SLC39A11: variants seen among roughly 807,000 people sequenced by gnomAD.
SLC39A11 encodes the protein zinc transporter ZIP11.
SLC39A11 carries 33 observed loss-of-function variants against 36.1 expected under a neutral mutation model. The observed-to-expected ratio is 0.91, with a 90% confidence interval of 0.69 to 1.22. SLC39A11 has a LOEUF of 1.22. Ranked by LOEUF, SLC39A11 falls within the 50% of genes most tolerant of loss-of-function variation. The probability of loss-of-function intolerance (pLI) is 0.00; values close to 1 mark genes in which losing one functional copy is unlikely to be tolerated. For missense variants in SLC39A11, 432 were observed against 430.3 expected, an observed-to-expected ratio of 1.00 and a Z score of -0.03; for synonymous variants, 166 against 170.3, an observed-to-expected ratio of 0.97 and a Z score of 0.20.
intron 6 of SLC39A11, among the ~76,000 whole-genome samples, chr17:72,744,928 A>G (rs1402453157): frequency 6.6e-6 from 1 of 151,882 alleles, no homozygotes; most frequent in Admixed American, 6.6e-5. Flanking sequence ...TGCAACCTCT[A>G]CCTCCCTGGT....
intron 4 of SLC39A11, among the ~76,000 whole-genome samples, chr17:72,949,989 ACACACACC>A (rs1229392785): frequency 1.0e-5 from 1 of 100,188 alleles, no homozygotes; most frequent in African/African-American, 3.3e-5. Context: ...ACACACACAC[ACACACACC>A]CCTTCTTGTT....
At chr17:73,092,506 CTCCAGGTGGCTGCCCTTCCAAGT>C (rs2060960439) in intron 1 of SLC39A11, 82 bp downstream of exon 1, 1 of 150,986 alleles carries the variant, frequency 6.6e-6, no homozygotes, top group South Asian at 2.1e-4. Flanking sequence ...CCCTTCCAAG[CTCCAGGTGGCTGCCCTTCCAAGT>C]CCCACACTCT....
intron 3 of SLC39A11, among the ~76,000 whole-genome samples, chr17:73,083,107 C>T (rs2060601563): frequency 2.0e-5 from 3 of 151,488 alleles, no homozygotes; most frequent in Admixed American, 2.0e-4. Context: ...TCCAAGGGGC[C>T]CTCCATGTCT....
In SLC39A11 at chr17:72,962,032, A is replaced by T. The variant is rs150634191; in HGVS notation, c.307-14157T>A. On this transcript the variant is annotated intron_variant, in intron 4 of 9. Coordinates refer to ENST00000255559, the MANE Select transcript of SLC39A11 (RefSeq NM_139177.4). ...AACTTGGAGCAGAATTCATTATTAAACTTATCTGGGCTTGATGAGGACTTG... is the reference window on the plus strand; with the variant it reads ...AACTTGGAGCAGAATTCATTATTAATCTTATCTGGGCTTGATGAGGACTTG... 1.7e-3 allele frequency among the ~76,000 whole-genome samples: 266 copies of T among 152,292 alleles called. 1 individual carries two copies. Among genetic ancestry groups the T allele is most frequent in the African/African-American group, 6.2e-3 (256 of 41,542 alleles).
At position 72,730,599 on chromosome 17, in the gene SLC39A11, C is replaced by T. The variant is rs888051384; in HGVS notation, c.671+6051G>A. On this transcript the variant is annotated intron_variant, in intron 7 of 9. Transcript: ENST00000255559. ...CAGTGTTTATTCGTTCATGCATTCT[C>T]ACTTCCCTCCTCCATCCTATACCTC... Among the ~76,000 whole-genome samples the T allele has an allele frequency of 4.6e-5, 7 of 152,304 alleles. No individual in the cohort carries two copies. In the East Asian group the frequency reaches 1.2e-3, roughly 25 times the overall value.
chr17:73,023,041 CT>C (rs1671123204), intron 4 of SLC39A11, among the ~76,000 whole-genome samples: 1 of 152,218 alleles, frequency 6.6e-6, no homozygotes, highest in African/African-American at 2.4e-5. Flanking sequence ...CACAGGTTTC[CT>C]CCCTTAGAAA....
chr17:72,748,873 A>C (rs898251118), intron 6 of SLC39A11, among the ~76,000 whole-genome samples: 2 of 152,210 alleles, frequency 1.3e-5, no homozygotes. Context: ...GTTTGCCCTG[A>C]ATCTGAAGAA....
chr17:72,660,671 G>C (rs2070370478), intron 7 of SLC39A11, among the ~76,000 whole-genome samples: 1 of 152,164 alleles, frequency 6.6e-6, no homozygotes, highest in Non-Finnish European at 1.5e-5. Context: ...AGACTCAGGG[G>C]GTTTCGAGCC....
chr17:72,911,457 C>T (rs1248571434), intron 5 of SLC39A11, among the ~76,000 whole-genome samples: 2 of 152,006 alleles, frequency 1.3e-5, no homozygotes, highest in Admixed American at 6.6e-5. Flanking sequence ...TCTCTTTTTA[C>T]ACATCTCGTG....
chr17:72,722,863 T>C (rs1330260768), intron 7 of SLC39A11, among the ~76,000 whole-genome samples: 1 of 152,176 alleles, frequency 6.6e-6, no homozygotes, highest in African/African-American at 2.4e-5. Flanking sequence ...CTGTATCTCC[T>C]GACCTCAAGT....
rs556567038 is a variant in SLC39A11 at position 72,915,845 on chromosome 17, G to C, written c.430+31907C>G. Among the ~76,000 whole-genome samples the C allele has an allele frequency of 6.6e-5, 10 of 152,280 alleles. No homozygotes were observed. In the South Asian group the frequency reaches 1.9e-3, roughly 28 times the overall value. On this transcript the variant is annotated intron_variant, in intron 5 of 9. Transcript: ENST00000255559. ...TGTCCCCGAATCCATTTTTTCAAAA[G>C]TCTGCTAAGTAGACATTTTTAGGGA...
At chr17:72,947,982 G>T in intron 4 of SLC39A11, 107 bp from the exon 5 acceptor site, 2 of 1,427,074 alleles carry the variant, frequency 1.4e-6, no homozygotes, top group South Asian at 1.2e-5. Context: ...TACCAAGACC[G>T]CCACAGCTGA....
At chr17:72,677,224 G>A (rs1012815346) in intron 7 of SLC39A11, among the ~76,000 whole-genome samples, 2 of 152,206 alleles carry the variant, frequency 1.3e-5, no homozygotes, top group African/African-American at 2.4e-5. Flanking sequence ...TGACCCTAGT[G>A]GGGTGGGAGT....
chr17:73,018,538 A>G (rs1470756595), intron 4 of SLC39A11, among the ~76,000 whole-genome samples: 1 of 151,900 alleles, frequency 6.6e-6, no homozygotes, highest in South Asian at 2.1e-4. Flanking sequence ...ACACGGCAAG[A>G]CTCCATAACA....
chr17:72,739,191 G>A (rs1043025402), intron 6 of SLC39A11, among the ~76,000 whole-genome samples: 4 of 150,788 alleles, frequency 2.7e-5, no homozygotes, highest in Admixed American at 1.3e-4. Flanking sequence ...GCAGTGGTGC[G>A]ATCTCGGCTC....
chr17:72,968,131 G>C (rs1242429235), intron 4 of SLC39A11, among the ~76,000 whole-genome samples: 1 of 152,104 alleles, frequency 6.6e-6, no homozygotes, highest in African/African-American at 2.4e-5. Context: ...GTTTGTTTTT[G>C]GTTTTAGGAG....
At chr17:72,705,820 T>C (rs1347053372) in intron 7 of SLC39A11, among the ~76,000 whole-genome samples, 5 of 152,218 alleles carry the variant, frequency 3.3e-5, no homozygotes, top group Non-Finnish European at 5.9e-5. Flanking sequence ...ATTCCATCTC[T>C]TTGTAGTGAA....
intron 6 of SLC39A11, among the ~76,000 whole-genome samples, chr17:72,827,607 G>A (rs1042237470): frequency 1.3e-5 from 2 of 152,210 alleles, no homozygotes; most frequent in Non-Finnish European, 2.9e-5. Flanking sequence ...ACACCAGGAA[G>A]GCTTTGGGAA....
chr17:73,036,733 CA>C (rs2058929067), intron 3 of SLC39A11, among the ~76,000 whole-genome samples: 1 of 152,174 alleles, frequency 6.6e-6, no homozygotes, highest in Admixed American at 6.6e-5. Context: ...AGGCATGAGC[CA>C]CCACGACCAG....
Sources: allele counts gnomAD v4.1 joint callset (sites outside exome capture counted in the v4.1 genomes callset), GRCh38; gene constraint gnomAD v4.1.1; transcripts MANE v1.5; gene names NCBI Gene and HGNC (gene_info 2026-07-23, HGNC 2026-07-21).